PRR5: variants seen among roughly 807,000 people sequenced by gnomAD.
The protein encoded by PRR5 is proline rich 5.
Under a neutral mutation model 30.6 loss-of-function variants are expected in PRR5, and 25 were observed. That is an observed-to-expected ratio of 0.82 (90% CI 0.60 to 1.14). The LOEUF (loss-of-function observed/expected upper bound fraction) is 1.14. PRR5 is among the 50% of genes most tolerant of loss of function. PRR5 has a pLI of 0.00. For missense variants in PRR5, 600 were observed against 547.1 expected (o/e 1.10, Z -0.96); for synonymous variants, 286 against 247.1 (o/e 1.16, Z -1.48).
At chr22:44,705,475 C>G (rs1256499320) in intron 1 of PRR5, among the ~76,000 whole-genome samples, 1 of 151,858 alleles carries the variant, frequency 6.6e-6, no homozygotes, top group Non-Finnish European at 1.5e-5. Context: ...AGGCGCCCAC[C>G]ACCACGCCCG....
chr22:44,735,775 G>C (rs1923120886), intron 7 of PRR5, among the ~76,000 whole-genome samples: 1 of 152,210 alleles, frequency 6.6e-6, no homozygotes, highest in Non-Finnish European at 1.5e-5. Flanking sequence ...CAGGCAGAGG[G>C]GACAGAGCTG....
intron 1 of PRR5, among the ~76,000 whole-genome samples, chr22:44,683,638 C>T (rs1328420591): frequency 6.6e-6 from 1 of 152,208 alleles, no homozygotes; most frequent in Non-Finnish European, 1.5e-5. Context: ...CTGCCTTAGG[C>T]CCCAACAAAG....
intron 1 of PRR5, among the ~76,000 whole-genome samples, chr22:44,712,326 G>A (rs1928373906): frequency 6.6e-6 from 1 of 152,240 alleles, no homozygotes; most frequent in Non-Finnish European, 1.5e-5. Context: ...CTGGATCTCA[G>A]CCTGTGGCCG....
At position 44,702,236 on chromosome 22, in the gene PRR5, C is replaced by A. The variant is rs1601989699; in HGVS notation, c.-239C>A. ...GTTTGCGCCGGGTCTGTGCTGGCCG[C>A]GCGCCTGGCGCTCCACGCTGAGCCT... On this transcript the variant is annotated 5_prime_UTR_variant, in exon 1 of 8. Transcript: ENST00000336985. 6 of 1,121,030 alleles carry A rather than the reference C, an allele frequency of 5.4e-6. No homozygotes were observed. In the East Asian group the frequency reaches 1.9e-4, roughly 35 times the overall value. 69.4% of individuals were successfully genotyped at this position (1,121,030 alleles called of 1,614,324 possible).
intron 2 of PRR5, among the ~76,000 whole-genome samples, chr22:44,724,763 G>A (rs968215206): frequency 2.0e-5 from 3 of 152,220 alleles, no homozygotes; most frequent in Admixed American, 6.5e-5. Context: ...GGGGAACCCC[G>A]GTGAATGCCT....
At chr22:44,698,211 G>T (rs981407030), upstream of PRR5, among the ~76,000 whole-genome samples, 1 of 152,204 alleles carries the variant, frequency 6.6e-6, no homozygotes, top group Non-Finnish European at 1.5e-5. Context: ...AGTTTGGAAT[G>T]AGTTTGGGTC....
At chr22:44,727,659 T>C (rs1340001444) in intron 4 of PRR5, among the ~76,000 whole-genome samples, 2 of 152,202 alleles carry the variant, frequency 1.3e-5, no homozygotes, top group African/African-American at 4.8e-5. Context: ...CTCTTCACTC[T>C]GCTGCCCCAG....
intron 2 of PRR5, among the ~76,000 whole-genome samples, chr22:44,723,593 G>T (rs183345655): frequency 6.2e-4 from 94 of 152,190 alleles, no homozygotes; most frequent in Middle Eastern, 6.8e-3. Context: ...GATGGTATGC[G>T]CCTGTAATCC....
rs1275056126 is a variant in PRR5 at position 44,732,338 on chromosome 22, CG to C, written c.505del (p.Ala169ProfsTer25). The C allele has an allele frequency of 1.2e-6, 2 of 1,611,946 alleles. No homozygotes were observed. Among genetic ancestry groups the C allele is most frequent in the Non-Finnish European group, 1.7e-6 (2 of 1,179,932 alleles). ...LSVKLEDALA[R>X]AHARVPPAIV... The stretch of plus-strand genomic sequence containing the variant: ...TGTGAAGCTAGAGGATGCGCTGGCC[CG>C]GGCCCATGCCCGTGTGCCCCCTGCC... On this transcript the variant is annotated frameshift_variant, in exon 6 of 8. Coordinates refer to ENST00000336985, the MANE Select transcript of PRR5 (RefSeq NM_181333.4). LOFTEE classifies it high-confidence loss of function.
chr22:44,691,038 C>T lies in PRR5; in HGVS notation c.-10-11454C>T, dbSNP rs977338279. On this transcript the variant is annotated intron_variant, in intron 1 of 8. Transcript: ENST00000006251. The surrounding 1 kb of genome is among the most constrained non-coding windows in gnomAD (Gnocchi z 4.4). ...GAGGCATCCTGGGTGCCCAAGTGAA[C>T]GTGCTGGCAGCCTCGGGAAGGTGGA... Among the ~76,000 whole-genome samples, 8 of 151,800 alleles carry T rather than the reference C, an allele frequency of 5.3e-5. No individual in the cohort carries two copies. Among genetic ancestry groups the T allele is most frequent in the Admixed American group, 4.6e-4 (7 of 15,254 alleles).
At chr22:44,710,287 C>CA in intron 1 of PRR5, among the ~76,000 whole-genome samples, 1 of 25,676 alleles carries the variant, frequency 3.9e-5, no homozygotes, top group Non-Finnish European at 8.8e-5. Context: ...TCACCTGCAC[C>CA]CCCCCCCCAG....
upstream of PRR5, among the ~76,000 whole-genome samples, chr22:44,698,924 C>T (rs865953826): frequency 3.9e-5 from 6 of 152,292 alleles, no homozygotes; most frequent in Admixed American, 6.5e-5. Context: ...TTTCTGGCCC[C>T]GGGGCAGCCC....
At chr22:44,669,608 C>G (rs1200732315) in intron 1 of PRR5, among the ~76,000 whole-genome samples, 1 of 152,232 alleles carries the variant, frequency 6.6e-6, no homozygotes, top group South Asian at 2.1e-4. Flanking sequence ...CAGAGCCTGA[C>G]GCTTTCTAAG....
intron 1 of PRR5, among the ~76,000 whole-genome samples, chr22:44,690,808 C>T (rs1925172073): frequency 6.6e-6 from 1 of 152,100 alleles, no homozygotes; most frequent in African/African-American, 2.4e-5. Context: ...AGGCCCAGAT[C>T]TTCCAGGCAA....
chr22:44,679,161 C>G (rs74641124), intron 1 of PRR5, among the ~76,000 whole-genome samples: 1 of 152,082 alleles, frequency 6.6e-6, no homozygotes, highest in Non-Finnish European at 1.5e-5. Flanking sequence ...ATTCTGCAAA[C>G]GCAGCATTTA....
intron 7 of PRR5, 147 bp from the exon 8 acceptor site, chr22:44,736,625 C>G (rs187325956): frequency 7.4e-7 from 1 of 1,350,554 alleles, no homozygotes; most frequent in Non-Finnish European, 9.7e-7. Context: ...GGGCTTGTGG[C>G]GGTGGGACCT....
chr22:44,732,956 C>T (rs536996702), intron 6 of PRR5, among the ~76,000 whole-genome samples: 26 of 150,410 alleles, frequency 1.7e-4, no homozygotes, highest in Admixed American at 9.9e-4. Context: ...TGCACACATA[C>T]GCGTGCACAC....
At chr22:44,713,712 C>T (rs1405022049) in intron 1 of PRR5, among the ~76,000 whole-genome samples, 1 of 152,182 alleles carries the variant, frequency 6.6e-6, no homozygotes, top group Non-Finnish European at 1.5e-5. Context: ...GCAGTTGTAA[C>T]AGAGACTGGT....
chr22:44,718,786 A>G (rs988564538), intron 2 of PRR5, among the ~76,000 whole-genome samples: 2 of 152,178 alleles, frequency 1.3e-5, no homozygotes, highest in African/African-American at 2.4e-5. Context: ...TTGGTCATTT[A>G]GATATCTTCT....
Sources: allele counts gnomAD v4.1 joint callset (sites outside exome capture counted in the v4.1 genomes callset), GRCh38; gene constraint gnomAD v4.1.1; non-coding constraint Gnocchi (gnomAD v3.1); transcripts MANE v1.5; gene names NCBI Gene and HGNC (gene_info 2026-07-23, HGNC 2026-07-21).